The following EHBP1L1 variants were observed in gnomAD, a reference collection of about 807,000 sequenced individuals.
EHBP1L1 encodes the protein EH domain-binding protein 1-like protein 1.
EHBP1L1 carries 122 observed loss-of-function variants against 151.1 expected under a neutral mutation model. The ratio of observed to expected loss-of-function variants is 0.81; its 90% CI spans 0.70 to 0.94. EHBP1L1 has a LOEUF of 0.94. EHBP1L1 is among the 40% of genes least tolerant of loss of function. The pLI, the probability that EHBP1L1 is intolerant of heterozygous loss-of-function variation, is 0.00. For synonymous variants in EHBP1L1, 878 were observed against 810.1 expected (o/e 1.08, Z -1.42); for missense variants, 1,941 against 1,959.8 (o/e 0.99, Z 0.18).
Position 65,592,088 on chromosome 11 carries a change from G to C in EHBP1L1, c.4470G>C (p.Arg1490=). The C allele has an allele frequency of 1.2e-6, 2 of 1,613,188 alleles. No homozygotes were observed. Among genetic ancestry groups the C allele is most frequent in the Non-Finnish European group, 1.7e-6 (2 of 1,179,536 alleles). Residue 1490 remains arginine (R), a splice_region_variant and synonymous_variant, in exon 18 of 19, where the codon CGG becomes CGC. Transcript: ENST00000309295. ...ELVRDLDHKE[R]IALEEDERLE... is the part of the protein sequence containing the mutation. ...TCCGGGACCTGGACCACAAGGAGCG[G>C]ATGTGAGTGGCGCTGGGCGGCGCTG...
At position 65,582,748 on chromosome 11, in the gene EHBP1L1, T is replaced by TA; in HGVS notation, c.2077dup (p.Thr693AsnfsTer5). On this transcript the variant is annotated frameshift_variant, in exon 9 of 19. Coordinates refer to ENST00000309295, the MANE Select transcript of EHBP1L1 (RefSeq NM_001099409.3). LOFTEE classifies it high-confidence loss of function. ...ATTTAGGGCCACTGAAGATAGAAGATACAATACAGTCTGAGATGCTGGGGA... is the reference window on the plus strand; with the variant it reads ...ATTTAGGGCCACTGAAGATAGAAGATAACAATACAGTCTGAGATGCTGGGGA... The TA allele has an allele frequency of 6.2e-7, 1 of 1,613,384 alleles. No individual in the cohort carries two copies. Among genetic ancestry groups the TA allele is most frequent in the Non-Finnish European group, 8.5e-7 (1 of 1,179,782 alleles).
chr11:65,576,449 G>A (rs1023178902), intron 1 of EHBP1L1, 43 bp downstream of exon 1: 2 of 1,528,104 alleles, frequency 1.3e-6, no homozygotes, highest in Non-Finnish European at 1.8e-6. Context: ...AACTTGCTGG[G>A]ACCTCATCCG....
chr11:65,586,490 T>C (rs1857971753), intron 12 of EHBP1L1, among the ~76,000 whole-genome samples: 1 of 152,182 alleles, frequency 6.6e-6, no homozygotes, highest in African/African-American at 2.4e-5. Context: ...AAGCCACCAT[T>C]TGAGCTAGGT....
At chr11:65,579,680 A>T (rs945186224) in intron 3 of EHBP1L1, among the ~76,000 whole-genome samples, 1 of 151,900 alleles carries the variant, frequency 6.6e-6, no homozygotes, top group Non-Finnish European at 1.5e-5. Flanking sequence ...TCCCAGGAGG[A>T]GGTAGCAACC....
chr11:65,579,156 G>A (rs770087993), intron 2 of EHBP1L1, 21 bp downstream of exon 2: 2 of 1,582,500 alleles, frequency 1.3e-6, no homozygotes, highest in East Asian at 2.3e-5. Context: ...ATGGCAACTG[G>A]GGATCCAGGT....
At chr11:65,586,552 T>C (rs1857975443) in intron 12 of EHBP1L1, among the ~76,000 whole-genome samples, 1 of 152,204 alleles carries the variant, frequency 6.6e-6, no homozygotes, top group Admixed American at 6.5e-5. Context: ...GGTTCTCAAA[T>C]GGTGGGAACT....
chr11:65,580,184 C>G lies in EHBP1L1; in HGVS notation c.416C>G (p.Pro139Arg). The G allele has an allele frequency of 6.2e-7, 1 of 1,613,638 alleles. No individual in the cohort carries two copies. Among genetic ancestry groups the G allele is most frequent in the Non-Finnish European group, 8.5e-7 (1 of 1,179,822 alleles). ...GTCCCAGTGAGGCTGCGGCTGAAGCCAAAGTCAGTGAAGGTGGTGCAGGCT... is the reference window on the plus strand; with the variant it reads ...GTCCCAGTGAGGCTGCGGCTGAAGCGAAAGTCAGTGAAGGTGGTGCAGGCT... ...VQVPVRLRLK[P>R]KSVKVVQAEL... Residue 139 changes from proline (P) to arginine (R), a missense_variant, in exon 5 of 19, where the codon CCA becomes CGA. By Grantham distance (103) the Pro-to-Arg change is moderately radical (BLOSUM62 -2). Transcript: ENST00000309295.
chr11:65,581,954 C>T lies in EHBP1L1; in HGVS notation c.1282C>T (p.Gln428Ter), dbSNP rs759818285. The T allele has an allele frequency of 1.2e-6, 2 of 1,613,680 alleles. No individual in the cohort carries two copies. Among genetic ancestry groups the T allele is most frequent in the Non-Finnish European group, 1.7e-6 (2 of 1,179,862 alleles). Residue 428 changes from glutamine (Q) to a stop codon, truncating the protein, a stop_gained, in exon 9 of 19, where the codon CAG becomes TAG. Transcript: ENST00000309295. LOFTEE classifies it high-confidence loss of function. ...SSAVCQVDAE[Q>*]RSKVRHVDTK... The stretch of plus-strand genomic sequence containing the variant: ...AGCAGTTTGTCAAGTGGATGCTGAG[C>T]AGAGGTCAAAGGTGAGACATGTGGA...
At position 65,592,245 on chromosome 11, in the gene EHBP1L1, G is replaced by A; in HGVS notation, c.4515G>A (p.Gln1505=). ...EDERLERGLE[Q]RRRKLSRQLS... ...AGCGCCTGGAGCGCGGCCTGGAACA[G>A]CGGCGCCGCAAGCTGAGCCGGCAGT... Residue 1505 remains glutamine (Q), a synonymous_variant, in exon 19 of 19, where the codon CAG becomes CAA. Transcript: ENST00000309295. The A allele has an allele frequency of 6.5e-7, 1 of 1,535,472 alleles. No individual in the cohort carries two copies. The highest frequency in any genetic ancestry group is 2.4e-5 in the East Asian group (1 of 40,876).
At chr11:65,583,956 G>C in intron 9 of EHBP1L1, 191 bp downstream of exon 9, 1 of 1,412,026 alleles carries the variant, frequency 7.1e-7, no homozygotes, top group Non-Finnish European at 9.2e-7. Flanking sequence ...TCCCTGGGCC[G>C]CATGGAGCTG....
At chr11:65,590,310 G>C in intron 15 of EHBP1L1, 100 bp downstream of exon 15, 1 of 1,550,972 alleles carries the variant, frequency 6.4e-7, no homozygotes, top group Non-Finnish European at 8.7e-7. Flanking sequence ...GAGGAGGCAC[G>C]GCTGGCATCA....
rs1465501258 is a variant in EHBP1L1 at position 65,585,280 on chromosome 11, G to T, written c.3622G>T (p.Ala1208Ser). 4 of 1,079,084 alleles carry T rather than the reference G, an allele frequency of 3.7e-6. No individual in the cohort carries two copies. In the East Asian group the frequency reaches 2.4e-4, roughly 64 times the overall value. The allele number at this position is 1,079,084 out of a possible 1,614,324, so 66.8% of individuals were successfully genotyped here. Residue 1208 changes from alanine (A) to serine (S), a missense_variant, in exon 12 of 19, where the codon GCC becomes TCC. Physicochemically the swap from Ala to Ser is moderately conservative, Grantham distance 99. Transcript: ENST00000309295. The surrounding 1 kb of genome is among the most constrained non-coding windows in gnomAD (Gnocchi z 4.0). ...CGCAGACGGGGCGGCCCCGGGGGTG[G>T]CCTCCAGGAACGCGGTCGCGGGCCG... ...DRADGAAPGV[A>S]SRNAVAGRAS... is the part of the protein sequence containing the mutation.
Position 65,583,323 on chromosome 11 carries a change from C to T in EHBP1L1, c.2651C>T (p.Ser884Leu), listed in dbSNP as rs773127792. ...GCTGAGAAGGAAGAGGCTCAGACTT[C>T]GGGGGTCCAGGAAGCAGAGACTAGA... ...PEAEKEEAQT[S>L]GVQEAETRVG... is the part of the protein sequence containing the mutation. The change falls in exon 9 of 19, where the codon TCG (serine) becomes TTG (leucine). Residue 884 changes from serine (S) to leucine (L), a missense_variant. Coordinates refer to ENST00000309295, the MANE Select transcript of EHBP1L1 (RefSeq NM_001099409.3). The T allele has an allele frequency of 2.9e-5, 46 of 1,613,480 alleles. No individual in the cohort carries two copies. Among genetic ancestry groups the T allele is most frequent in the East Asian group, 6.7e-5 (3 of 44,896 alleles).
intron 2 of EHBP1L1, 89 bp from the exon 3 acceptor site, chr11:65,579,252 A>T: frequency 6.9e-7 from 1 of 1,448,912 alleles, no homozygotes; most frequent in South Asian, 1.3e-5. Flanking sequence ...CACAGAGGGG[A>T]GGGGAAGATG....
rs1565129258 is a variant in EHBP1L1, at chr11:65,585,479, T to C, written c.3821T>C (p.Phe1274Ser). 1.9e-6 allele frequency: 3 copies of C among 1,539,782 alleles called. No individual in the cohort carries two copies. The highest frequency in any genetic ancestry group is 1.7e-6 in the Non-Finnish European group (2 of 1,148,948). ...SVPPPRAHGS[F>S]SHVRDADLLK... ...CCCCCGCCCCGCGCGCACGGCTCCT[T>C]CTCCCACGTGCGCGACGCGGACCTG... The change falls in exon 12 of 19, where the codon TTC (phenylalanine) becomes TCC (serine). Residue 1274 changes from phenylalanine to serine, a missense_variant. Physicochemically the swap from Phe to Ser is radical, Grantham distance 155 (BLOSUM62 -2). Transcript: ENST00000309295. The surrounding 1 kb of genome is among the most constrained non-coding windows in gnomAD (Gnocchi z 4.0).
chr11:65,585,830 A>C lies in EHBP1L1; in HGVS notation c.3933+239A>C, dbSNP rs1857942916. On this transcript the variant is annotated intron_variant, in intron 12 of 18. Transcript: ENST00000309295. This position sits in a 1 kb window ranked among gnomAD's most constrained non-coding sequence, Gnocchi z 4.0. ...CTCATTAGGGGACGCATTTGAGCCA[A>C]GGCCCACCAGGCAGGGTCCCCAGCT... 6.6e-6 allele frequency among the ~76,000 whole-genome samples: 1 copy of C among 152,204 alleles called. No homozygotes were observed. The highest frequency in any genetic ancestry group is 2.4e-5 in the African/African-American group (1 of 41,468).
In EHBP1L1 at chr11:65,583,207, G is replaced by A. The variant is rs1311127829; in HGVS notation, c.2535G>A (p.Glu845=). 5.6e-6 allele frequency: 9 copies of A among 1,613,426 alleles called. No individual in the cohort carries two copies. In the East Asian group the frequency reaches 2.0e-4, roughly 36 times the overall value. The change falls in exon 9 of 19, where the codon GAG becomes GAA. Residue 845 remains glutamate (E), a synonymous_variant. Coordinates refer to ENST00000309295, the MANE Select transcript of EHBP1L1 (RefSeq NM_001099409.3). ...ESEVAGAQET[E]VGGSGISGPE... The stretch of plus-strand genomic sequence containing the variant: ...AGGTAGCTGGGGCCCAGGAGACAGA[G>A]GTCGGGGGTTCAGGGATCTCAGGGC...
Position 65,584,304 on chromosome 11 carries a change from G to C in EHBP1L1, c.3157G>C (p.Gly1053Arg). 1 of 1,611,470 alleles carries C rather than the reference G, an allele frequency of 6.2e-7. No homozygotes were observed. Among genetic ancestry groups the C allele is most frequent in the Non-Finnish European group, 8.5e-7 (1 of 1,178,784 alleles). Residue 1053 changes from glycine (G) to arginine (R), a missense_variant, in exon 10 of 19, where the codon GGC becomes CGC. Gly to Arg is a moderately radical substitution (Grantham distance 125). Transcript: ENST00000309295. ...LLEWCQEVTT[G>R]YRGVRITNFT... ...GGAGTGGTGCCAGGAAGTCACCACT[G>C]GCTACCGTGGCGTCCGCATCACCAA...
chr11:65,584,960 C>T lies in EHBP1L1; in HGVS notation c.3302C>T (p.Ala1101Val), dbSNP rs1338734537. The T allele has an allele frequency of 6.5e-7, 1 of 1,533,418 alleles. No homozygotes were observed. The highest frequency in any genetic ancestry group is 2.0e-5 in the Admixed American group (1 of 50,750). The allele number at this position is 1,533,418 out of a possible 1,614,324, so 95.0% of individuals were successfully genotyped here. ...PLNIKQNNKQ[A>V]FDGFAALGVS... ...ACCCCGAGTGCACCCTTCCCCTAGGCCTTCGATGGCTTCGCGGCTCTGGGC... is the reference window on the plus strand; with the variant it reads ...ACCCCGAGTGCACCCTTCCCCTAGGTCTTCGATGGCTTCGCGGCTCTGGGC... Residue 1101 changes from alanine to valine, a missense_variant and splice_region_variant, in exon 12 of 19, where the codon GCC (alanine) becomes GTC (valine). Physicochemically the swap from Ala to Val is moderately conservative, Grantham distance 64. Coordinates refer to ENST00000309295, the MANE Select transcript of EHBP1L1 (RefSeq NM_001099409.3).
Sources: gnomAD v4.1 joint callset for allele counts (sites outside exome capture counted in the v4.1 genomes callset) on GRCh38, gnomAD v4.1.1 for gene constraint, Gnocchi (gnomAD v3.1) non-coding constraint, MANE v1.5 for transcripts, NCBI Gene and HGNC (gene_info 2026-07-23, HGNC 2026-07-21) for gene names.